TTC8: variants seen among roughly 807,000 people sequenced by gnomAD.
TTC8 encodes tetratricopeptide repeat domain 8.
A neutral mutation model predicts 72.5 loss-of-function variants in TTC8; 47 were observed. The observed-to-expected ratio is 0.65, with a 90% CI of 0.51 to 0.83. The LOEUF (loss-of-function observed/expected upper bound fraction) is 0.83, where lower values mean the gene tolerates loss of function less well. Ranked by LOEUF, TTC8 falls within the 40% of genes least tolerant of loss-of-function variation. The pLI, the probability that TTC8 is intolerant of heterozygous loss-of-function variation, is 0.00. For missense variants in TTC8, 611 were observed against 623.2 expected, an observed-to-expected ratio of 0.98 and a Z score of 0.21; for synonymous variants, 199 against 221.4, an observed-to-expected ratio of 0.90 and a Z score of 0.90.
intron 6 of TTC8, 68 bp from the exon 7 acceptor site, chr14:88,843,738 G>A: frequency 8.8e-7 from 1 of 1,140,090 alleles, no homozygotes; most frequent in East Asian, 2.5e-5. Context: ...CAGGGCTTTA[G>A]AGTACTTTTG....
intron 1 of TTC8, among the ~76,000 whole-genome samples, chr14:88,832,655 G>A (rs924278374): frequency 6.6e-6 from 1 of 152,118 alleles, no homozygotes; most frequent in African/African-American, 2.4e-5. Context: ...GAGATAATGG[G>A]CTATAGAGAT....
chr14:88,862,723 G>A (rs1457652276), intron 10 of TTC8, among the ~76,000 whole-genome samples: 1 of 148,350 alleles, frequency 6.7e-6, no homozygotes, highest in Non-Finnish European at 1.5e-5. Context: ...TGGGACTACA[G>A]GCTTGTGCCC....
chr14:88,825,181 A>G (rs1283605874), intron 1 of TTC8, among the ~76,000 whole-genome samples: 1 of 152,164 alleles, frequency 6.6e-6, no homozygotes, highest in Non-Finnish European at 1.5e-5. Flanking sequence ...TGCGTTGTTA[A>G]TTTCTAAAAA....
At chr14:88,868,071 A>G (rs975042620) in intron 10 of TTC8, among the ~76,000 whole-genome samples, 1 of 152,176 alleles carries the variant, frequency 6.6e-6, no homozygotes, top group Non-Finnish European at 1.5e-5. Flanking sequence ...CATTAGCTTG[A>G]TTACAGATAA....
At position 88,839,554 on chromosome 14, in the gene TTC8, G is replaced by T. The variant is rs1437166277; in HGVS notation, c.247G>T (p.Ala83Ser). 2.5e-6 allele frequency: 4 copies of T among 1,613,174 alleles called. No homozygotes were observed. Among genetic ancestry groups the T allele is most frequent in the African/African-American group, 2.7e-5 (2 of 74,994 alleles). The change falls in exon 3 of 15, where the codon GCT becomes TCT. Residue 83 changes from alanine (A) to serine (S), a missense_variant. Ala to Ser is a moderately conservative substitution (Grantham distance 99). Coordinates refer to ENST00000380656, the MANE Select transcript of TTC8 (RefSeq NM_144596.4). ...TGCAGAAATGATGCTGGATGAAAAT[G>T]CTATAGCTCAAGTTCCACGTAAGTA... The part of the protein sequence containing the change: ...GIAEMMLDEN[A>S]IAQVPRPGTS...
chr14:88,866,825 G>A (rs189247437), intron 10 of TTC8, among the ~76,000 whole-genome samples: 24 of 152,228 alleles, frequency 1.6e-4, no homozygotes, highest in Non-Finnish European at 2.9e-4. Flanking sequence ...CTGTGTCCAG[G>A]AGGGCAGTGT....
chr14:88,828,886 T>C (rs2094713769), intron 1 of TTC8, among the ~76,000 whole-genome samples: 1 of 152,190 alleles, frequency 6.6e-6, no homozygotes, highest in African/African-American at 2.4e-5. Context: ...AATTATTGCC[T>C]TGTATTTTCT....
Position 88,877,654 on chromosome 14 carries a change from G to C in TTC8, c.*244G>C, listed in dbSNP as rs1003585203. The C allele has an allele frequency of 1.8e-5, 6 of 328,022 alleles. No individual in the cohort carries two copies. The highest frequency in any genetic ancestry group is 1.1e-4 in the African/African-American group (5 of 46,864). 20.3% of individuals were successfully genotyped at this position (328,022 alleles called of 1,614,324 possible). A position where few individuals can be genotyped will look rare whatever the true frequency, so the allele number is the denominator to read the frequency against. The stretch of plus-strand genomic sequence containing the variant: ...ACCTTTCTAAATAGATCCTGAAACT[G>C]TCTCTCACATTATATAGTAGATGTT... On this transcript the variant is annotated 3_prime_UTR_variant, in exon 15 of 15. Transcript: ENST00000380656.
At position 88,839,527 on chromosome 14, in the gene TTC8, A is replaced by G. The variant is rs766158197; in HGVS notation, c.220A>G (p.Ile74Val). Residue 74 changes from isoleucine to valine, a missense_variant, in exon 3 of 15, where the codon ATT becomes GTT. Coordinates refer to ENST00000380656, the MANE Select transcript of TTC8 (RefSeq NM_144596.4). ...TGAAATTGATGTAGATCAGGAAGGAATTGCAGAAATGATGCTGGATGAAAA... is the reference window on the plus strand; with the variant it reads ...TGAAATTGATGTAGATCAGGAAGGAGTTGCAGAAATGATGCTGGATGAAAA... ...IDEIDVDQEG[I>V]AEMMLDENAI... is the part of the protein sequence containing the mutation. 4 of 1,613,242 alleles carry G rather than the reference A, an allele frequency of 2.5e-6. No homozygotes were observed. The highest frequency in any genetic ancestry group is 2.5e-6 in the Non-Finnish European group (3 of 1,179,538).
chr14:88,862,595 TA>T (rs2094892741), intron 10 of TTC8, among the ~76,000 whole-genome samples: 1 of 84,944 alleles, frequency 1.2e-5, no homozygotes, highest in Non-Finnish European at 2.3e-5. Flanking sequence ...TATATATATA[TA>T]TTTAGAGATG....
intron 1 of TTC8, among the ~76,000 whole-genome samples, chr14:88,831,446 C>T (rs1287668): frequency 0.2 from 30,714 of 152,138 alleles, 3,312 homozygotes; most frequent in Admixed American, 0.3. Flanking sequence ...AGGAGCAGTA[C>T]CAGCCAATAA....
At chr14:88,880,882 CAT>C (rs564040633), downstream of TTC8, 58 of 151,976 alleles carry the variant, frequency 3.8e-4, no homozygotes, top group Non-Finnish European at 6.8e-4. Flanking sequence ...GGTTGATAAA[CAT>C]ATGTAACAAA....
intron 7 of TTC8, among the ~76,000 whole-genome samples, chr14:88,849,637 ATGT>A (rs2094824433): frequency 6.6e-6 from 1 of 152,088 alleles, no homozygotes; most frequent in Non-Finnish European, 1.5e-5. Context: ...TGCTTTTCTC[ATGT>A]TGTGGGGGTG....
At chr14:88,836,572 T>C (rs2094752464) in intron 2 of TTC8, among the ~76,000 whole-genome samples, 1 of 152,148 alleles carries the variant, frequency 6.6e-6, no homozygotes. Flanking sequence ...GAGTGGATTT[T>C]CTTTTCTATA....
At chr14:88,843,347 A>G (rs990277738) in intron 6 of TTC8, among the ~76,000 whole-genome samples, 1 of 152,236 alleles carries the variant, frequency 6.6e-6, no homozygotes, top group Non-Finnish European at 1.5e-5. Context: ...TCATAGAGTT[A>G]CTATGAATAC....
chr14:88,844,251 C>T (rs919146489), intron 7 of TTC8, among the ~76,000 whole-genome samples: 2 of 152,142 alleles, frequency 1.3e-5, no homozygotes, highest in African/African-American at 4.8e-5. Flanking sequence ...CCATCATTAA[C>T]GTTTTATGAT....
chr14:88,874,990 G>A (rs745436214), intron 13 of TTC8, 36 bp from the exon 14 acceptor site: 62 of 1,522,594 alleles, frequency 4.1e-5, no homozygotes, highest in South Asian at 4.6e-5. Flanking sequence ...ATGTTCATAC[G>A]CCTTTGGTTT....
In TTC8 at chr14:88,843,791, CTT is replaced by C. The variant is rs747642574; in HGVS notation, c.580-10_580-9del. 1.3e-6 allele frequency: 2 copies of C among 1,582,784 alleles called. No homozygotes were observed. Among genetic ancestry groups the C allele is most frequent in the African/African-American group, 1.3e-5 (1 of 74,118 alleles). ...AAAAAAATCTAACGTATTTTTGACACTTTTTTCTTCACAGGCTTTGTTTGAGT... is the reference window on the plus strand; with the variant it reads ...AAAAAAATCTAACGTATTTTTGACACTTTTCTTCACAGGCTTTGTTTGAGT... On this transcript the variant is annotated splice_polypyrimidine_tract_variant and intron_variant, in intron 6 of 14. Coordinates refer to ENST00000380656, the MANE Select transcript of TTC8 (RefSeq NM_144596.4).
At chr14:88,878,876 C>T, downstream of TTC8, 1 of 152,062 alleles carries the variant, frequency 6.6e-6, no homozygotes, top group East Asian at 1.9e-4. Context: ...TTCCATTTTA[C>T]TTATGAGAAT....
Sources: allele counts gnomAD v4.1 joint callset (sites outside exome capture counted in the v4.1 genomes callset), GRCh38; gene constraint gnomAD v4.1.1; transcripts MANE v1.5; gene names NCBI Gene and HGNC (gene_info 2026-07-23, HGNC 2026-07-21).